The following CSMD2 variants were observed in gnomAD, a reference collection of about 807,000 sequenced individuals.
CSMD2 encodes the protein CUB and Sushi multiple domains 2.
CSMD2 carries 130 observed loss-of-function variants against 398.5 expected under a neutral mutation model. The observed-to-expected ratio is 0.33, with a 90% CI of 0.28 to 0.38. The LOEUF is 0.38. Ranked by LOEUF, CSMD2 falls within the 10% of genes least tolerant of loss-of-function variation. The probability of loss-of-function intolerance (pLI) is 1.00; values close to 1 mark genes in which losing one functional copy is unlikely to be tolerated. For missense variants in CSMD2, 3,829 were observed against 4,764.9 expected, an observed-to-expected ratio of 0.80 and a Z score of 5.78; for synonymous variants, 1,828 against 1,908.5, an observed-to-expected ratio of 0.96 and a Z score of 1.10.
chr1:34,050,031 C>T (rs1652996033), intron 2 of CSMD2, among the ~76,000 whole-genome samples: 1 of 152,192 alleles, frequency 6.6e-6, no homozygotes, highest in South Asian at 2.1e-4. Context: ...AAACCTCTCA[C>T]CAGAATCAGG....
intron 4 of CSMD2, among the ~76,000 whole-genome samples, chr1:33,927,733 G>A (rs1644173974): frequency 6.6e-6 from 1 of 152,126 alleles, no homozygotes; most frequent in South Asian, 2.1e-4. Flanking sequence ...ACCAGACCCT[G>A]GAGATGGGGT....
chr1:34,137,961 C>G (rs962357939), intron 1 of CSMD2, among the ~76,000 whole-genome samples: 1 of 152,192 alleles, frequency 6.6e-6, no homozygotes, highest in Non-Finnish European at 1.5e-5. Flanking sequence ...GCCACTCCAA[C>G]AAGCTGCTAT....
intron 2 of CSMD2, among the ~76,000 whole-genome samples, chr1:34,058,472 C>T (rs1654105364): frequency 6.6e-6 from 1 of 152,270 alleles, no homozygotes; most frequent in African/African-American, 2.4e-5. Context: ...TAAACCAAGA[C>T]CTACCCCAAG....
intron 1 of CSMD2, among the ~76,000 whole-genome samples, chr1:34,127,968 A>G (rs1662915711): frequency 6.6e-6 from 1 of 151,930 alleles, no homozygotes; most frequent in Non-Finnish European, 1.5e-5. Flanking sequence ...CACCACACCC[A>G]TCGTCCCACC....
intron 5 of CSMD2, among the ~76,000 whole-genome samples, chr1:33,890,505 C>T (rs1205542653): frequency 6.6e-6 from 1 of 152,202 alleles, no homozygotes; most frequent in Non-Finnish European, 1.5e-5. Context: ...GCTGGGATTA[C>T]AGGCATGAGA....
chr1:33,653,190 G>A (rs903136793), intron 27 of CSMD2, among the ~76,000 whole-genome samples: 2 of 152,198 alleles, frequency 1.3e-5, no homozygotes, highest in Non-Finnish European at 2.9e-5. Flanking sequence ...TCTGTGGGGT[G>A]GTTGTAAAGA....
At chr1:34,157,321 G>A (rs955582035) in intron 1 of CSMD2, among the ~76,000 whole-genome samples, 1 of 152,078 alleles carries the variant, frequency 6.6e-6, no homozygotes, top group African/African-American at 2.4e-5. Flanking sequence ...GGCGGGTCAA[G>A]GTATTTCCAG....
chr1:33,700,140 C>T, intron 23 of CSMD2, among the ~76,000 whole-genome samples: 1 of 152,094 alleles, frequency 6.6e-6, no homozygotes, highest in East Asian at 1.9e-4. Flanking sequence ...TCCCAAGTAG[C>T]TGGGATTACA....
At chr1:33,863,504 C>A (rs2125120909) in intron 5 of CSMD2, 1 of 152,350 alleles carries the variant, frequency 6.6e-6, no homozygotes, top group South Asian at 2.1e-4. Flanking sequence ...AGAGTTCCAA[C>A]TCATAGCCCA....
At chr1:33,565,134 T>C (rs1023508354) in intron 53 of CSMD2, among the ~76,000 whole-genome samples, 1 of 152,172 alleles carries the variant, frequency 6.6e-6, no homozygotes, top group Non-Finnish European at 1.5e-5. Context: ...AGCAAGACTG[T>C]ATGAGAAAGA....
chr1:33,997,678 CT>C (rs771176604), intron 3 of CSMD2, among the ~76,000 whole-genome samples: 1 of 151,874 alleles, frequency 6.6e-6, no homozygotes, highest in African/African-American at 2.4e-5. Flanking sequence ...TAATAAAAAT[CT>C]TTTTTTTGTG....
intron 6 of CSMD2, among the ~76,000 whole-genome samples, chr1:33,833,069 G>T (rs1197663134): frequency 7.1e-6 from 1 of 141,502 alleles, no homozygotes; most frequent in Admixed American, 7.2e-5. Flanking sequence ...TTCTACCAGA[G>T]GTACAAGGAG....
In CSMD2 at chr1:33,587,178, T is replaced by C; in HGVS notation, c.6857-10A>G. ...TTGGTGAGTGGATAAGCTGAAAAGA[T>C]AAAAGCAGGCAAGTCAGGGTAAGAT... On this transcript the variant is annotated splice_polypyrimidine_tract_variant and intron_variant, in intron 44 of 70. Transcript: ENST00000373381. The C allele has an allele frequency of 1.3e-6, 2 of 1,598,728 alleles. No homozygotes were observed. Among genetic ancestry groups the C allele is most frequent in the Non-Finnish European group, 1.7e-6 (2 of 1,171,332 alleles).
At chr1:34,021,364 G>C (rs10914843) in intron 3 of CSMD2, among the ~76,000 whole-genome samples, 2 of 152,272 alleles carry the variant, frequency 1.3e-5, no homozygotes, top group African/African-American at 4.8e-5. Context: ...AGACAGATAT[G>C]CATGTCCAGC....
chr1:33,525,882 C>T (rs1416063409), intron 65 of CSMD2, among the ~76,000 whole-genome samples: 1 of 152,136 alleles, frequency 6.6e-6, no homozygotes, highest in Non-Finnish European at 1.5e-5. Context: ...TGAGGTTTCA[C>T]CATGTTGGTC....
At chr1:33,539,919 C>A (rs964204010) in intron 60 of CSMD2, among the ~76,000 whole-genome samples, 1 of 152,102 alleles carries the variant, frequency 6.6e-6, no homozygotes, top group Admixed American at 6.5e-5. Context: ...TAGTTTTCTG[C>A]AGAATTAGAT....
chr1:33,746,629 G>A (rs1647423636), intron 13 of CSMD2, among the ~76,000 whole-genome samples: 1 of 152,140 alleles, frequency 6.6e-6, no homozygotes, highest in Non-Finnish European at 1.5e-5. Context: ...ATGTTTAGCT[G>A]TTGATGGTCA....
At chr1:34,096,162 C>G (rs1659273963) in intron 1 of CSMD2, among the ~76,000 whole-genome samples, 1 of 152,120 alleles carries the variant, frequency 6.6e-6, no homozygotes. Context: ...ACAAAAACCA[C>G]ATGACTATCT....
At chr1:34,162,458 C>T (rs1054961744) in intron 1 of CSMD2, among the ~76,000 whole-genome samples, 9 of 152,158 alleles carry the variant, frequency 5.9e-5, no homozygotes, top group African/African-American at 2.2e-4. Flanking sequence ...ATGTGTTTCC[C>T]CTTCTAATGT....
Sources: allele counts gnomAD v4.1 joint callset (sites outside exome capture counted in the v4.1 genomes callset), GRCh38; gene constraint gnomAD v4.1.1; transcripts MANE v1.5; gene names NCBI Gene and HGNC (gene_info 2026-07-23, HGNC 2026-07-21).